Variants in R3HDM1 observed in about 807,000 individuals in gnomAD.
The protein encoded by R3HDM1 is R3H domain containing 1.
In R3HDM1, 46 loss-of-function variants were observed where a neutral mutation model predicts 141.1. The observed-to-expected ratio is 0.33, with a 90% confidence interval of 0.26 to 0.42. R3HDM1 has a LOEUF of 0.42. Among genes scored for constraint, R3HDM1 ranks in the 10% least tolerant of loss-of-function variants. R3HDM1 has a pLI of 1.00. For missense variants in R3HDM1, 1,184 were observed against 1,368.3 expected (o/e 0.87, Z 2.12); for synonymous variants, 435 against 472.9 (o/e 0.92, Z 1.04).
chr2:135,702,886 T>C (rs542024132), intron 21 of R3HDM1, among the ~76,000 whole-genome samples: 5 of 152,290 alleles, frequency 3.3e-5, no homozygotes, highest in Admixed American at 6.5e-5. Flanking sequence ...GAGAGCAGCA[T>C]AGAATCAACT....
At position 135,616,803 on chromosome 2, in the gene R3HDM1, A is replaced by G. The variant is rs765576191; in HGVS notation, c.303+46A>G. On this transcript the variant is annotated intron_variant, in intron 5 of 26. Transcript: ENST00000683871. ...TTATTTCAAGACATGGTGGAACTGG[A>G]GAATTTTTGTATATGATTTAAGTTG... 7.0e-6 allele frequency: 10 copies of G among 1,438,688 alleles called. No individual in the cohort carries two copies. In the East Asian group the frequency reaches 2.4e-4, roughly 34 times the overall value. The allele number at this position is 1,438,688 out of a possible 1,614,324, so 89.1% of individuals were successfully genotyped here. A position where few individuals can be genotyped will look rare whatever the true frequency, so the allele number is the denominator to read the frequency against.
At chr2:135,551,358 AG>A (rs1407352219) in intron 1 of R3HDM1, among the ~76,000 whole-genome samples, 1 of 152,242 alleles carries the variant, frequency 6.6e-6, no homozygotes, top group Non-Finnish European at 1.5e-5. Flanking sequence ...GAATTATAAA[AG>A]GTATTAAGTA....
intron 1 of R3HDM1, chr2:135,559,050 AGTGTGT>A (rs10684618): frequency 0.011 from 9,572 of 841,004 alleles, 76 homozygotes; most frequent in African/African-American, 0.067. Context: ...GATTCCACAA[AGTGTGT>A]GTGTGTGTGT....
At chr2:135,713,903 A>G (rs537814678) in intron 23 of R3HDM1, among the ~76,000 whole-genome samples, 1 of 152,328 alleles carries the variant, frequency 6.6e-6, no homozygotes, top group South Asian at 2.1e-4. Flanking sequence ...ATAGAATAAA[A>G]TAAGAATTCA....
chr2:135,705,528 C>T (rs1441800993), intron 21 of R3HDM1, among the ~76,000 whole-genome samples: 7 of 152,124 alleles, frequency 4.6e-5, no homozygotes, highest in African/African-American at 7.2e-5. Context: ...GTTAGCTACT[C>T]GGGAGGCTGA....
At chr2:135,574,898 T>C (rs1573974995) in intron 1 of R3HDM1, among the ~76,000 whole-genome samples, 2 of 152,190 alleles carry the variant, frequency 1.3e-5, no homozygotes, top group Admixed American at 1.3e-4. Flanking sequence ...ATTTCCACAG[T>C]ATACAGAAAC....
chr2:135,583,916 C>T (rs1211625600), intron 1 of R3HDM1: 50 of 985,222 alleles, frequency 5.1e-5, no homozygotes, highest in Non-Finnish European at 6.0e-5. Context: ...ATCTTTTTAC[C>T]TTATAACCAC....
intron 1 of R3HDM1, among the ~76,000 whole-genome samples, chr2:135,574,192 A>C (rs920568452): frequency 1.3e-5 from 2 of 152,204 alleles, no homozygotes; most frequent in Non-Finnish European, 2.9e-5. Flanking sequence ...CACTAAAAAT[A>C]ATTTTTAAAA....
chr2:135,542,001 A>C (rs780794821), intron 1 of R3HDM1, among the ~76,000 whole-genome samples: 3 of 152,206 alleles, frequency 2.0e-5, no homozygotes, highest in Non-Finnish European at 4.4e-5. Flanking sequence ...CTTTGGGATG[A>C]GACCCAAATT....
At chr2:135,633,463 T>C (rs1449725727) in intron 9 of R3HDM1, among the ~76,000 whole-genome samples, 2 of 152,218 alleles carry the variant, frequency 1.3e-5, no homozygotes, top group East Asian at 3.8e-4. Flanking sequence ...TCAAAAAGCT[T>C]TAGAGCTGTC....
chr2:135,609,204 ATAAT>A (rs2060320646), intron 3 of R3HDM1, among the ~76,000 whole-genome samples: 1 of 152,206 alleles, frequency 6.6e-6, no homozygotes, highest in Non-Finnish European at 1.5e-5. Flanking sequence ...TAATTTATAA[ATAAT>A]TCTACTTGTG....
chr2:135,671,957 T>C (rs913891305), intron 19 of R3HDM1, among the ~76,000 whole-genome samples: 1 of 149,720 alleles, frequency 6.7e-6, no homozygotes, highest in Admixed American at 6.7e-5. Context: ...ACCTGGCCGA[T>C]AGAGTGAGAC....
chr2:135,704,137 C>A (rs568710527), intron 21 of R3HDM1, among the ~76,000 whole-genome samples: 120 of 152,278 alleles, frequency 7.9e-4, no homozygotes, highest in African/African-American at 2.2e-3. Context: ...CCCACCACCA[C>A]GCCCAGCTAA....
intron 1 of R3HDM1, among the ~76,000 whole-genome samples, chr2:135,573,501 A>G (rs759767013): frequency 2.0e-5 from 3 of 152,168 alleles, no homozygotes; most frequent in Non-Finnish European, 4.4e-5. Context: ...ATGTTCAGCC[A>G]GAAGAAGTCC....
intron 1 of R3HDM1, chr2:135,581,493 C>A (rs944933812): frequency 2.7e-5 from 20 of 749,306 alleles, no homozygotes; most frequent in Non-Finnish European, 2.9e-5. Flanking sequence ...CTGACTAATA[C>A]CACAATCTTT....
chr2:135,621,790 A>G, intron 6 of R3HDM1, 182 bp downstream of exon 6: 1 of 963,906 alleles, frequency 1.0e-6, no homozygotes, highest in Non-Finnish European at 1.2e-6. Context: ...TATATCAGTA[A>G]GACGTTTCAG....
At chr2:135,602,758 A>C in intron 2 of R3HDM1, 50 bp downstream of exon 2, 114 of 1,368,732 alleles carry the variant, frequency 8.3e-5, no homozygotes, top group Non-Finnish European at 1.0e-4. Context: ...ACAAAATCTC[A>C]CCTATAAAAA....
At chr2:135,709,137 A>G (rs1450604012) in intron 21 of R3HDM1, among the ~76,000 whole-genome samples, 1 of 151,548 alleles carries the variant, frequency 6.6e-6, no homozygotes, top group Non-Finnish European at 1.5e-5. Context: ...GCAGTGGCGC[A>G]ATCTCGGCTC....
chr2:135,563,295 A>T (rs531137645), intron 1 of R3HDM1, among the ~76,000 whole-genome samples: 2 of 152,348 alleles, frequency 1.3e-5, no homozygotes, highest in East Asian at 3.9e-4. Context: ...TTTAATTTAA[A>T]GCAAGAAAAA....
Sources: allele counts gnomAD v4.1 joint callset (sites outside exome capture counted in the v4.1 genomes callset), GRCh38; gene constraint gnomAD v4.1.1; transcripts MANE v1.5; gene names NCBI Gene and HGNC (gene_info 2026-07-23, HGNC 2026-07-21).